TAFA2: variants seen among roughly 807,000 people sequenced by gnomAD.
TAFA2 encodes chemokine-like protein TAFA-2.
A neutral mutation model predicts 18.8 loss-of-function variants in TAFA2; 7 were observed. The ratio of observed to expected loss-of-function variants is 0.37; its 90% CI spans 0.21 to 0.70. The LOEUF (loss-of-function observed/expected upper bound fraction) is 0.70. Ranked by LOEUF, TAFA2 falls within the 30% of genes least tolerant of loss-of-function variation. The probability of loss-of-function intolerance (pLI) is 0.53; values close to 1 mark genes in which losing one functional copy is unlikely to be tolerated. For missense variants in TAFA2, 122 were observed against 158.1 expected (o/e 0.77, Z 1.23); for synonymous variants, 60 against 54.2 (o/e 1.11, Z -0.47).
At chr12:62,231,864 T>C (rs1456200668) in intron 1 of TAFA2, among the ~76,000 whole-genome samples, 1 of 152,184 alleles carries the variant, frequency 6.6e-6, no homozygotes, top group East Asian at 1.9e-4. Context: ...AATGTATTAG[T>C]ACATTATTTT....
chr12:62,183,644 CA>C (rs1027429432), intron 1 of TAFA2, among the ~76,000 whole-genome samples: 1 of 152,148 alleles, frequency 6.6e-6, no homozygotes, highest in Admixed American at 6.5e-5. Flanking sequence ...TTCGGCCTCC[CA>C]AAGTGTTGGG....
chr12:61,965,988 C>T (rs948914618), intron 1 of TAFA2, among the ~76,000 whole-genome samples: 1 of 151,848 alleles, frequency 6.6e-6, no homozygotes, highest in African/African-American at 2.4e-5. Context: ...TGAGTTGTTT[C>T]CACCTTTGGG....
At chr12:61,859,044 G>A (rs984640400) in intron 2 of TAFA2, among the ~76,000 whole-genome samples, 4 of 152,150 alleles carry the variant, frequency 2.6e-5, no homozygotes, top group African/African-American at 9.7e-5. Context: ...AGATATATTA[G>A]TCCATTTTCA....
At chr12:61,922,850 G>A (rs1877114617) in intron 1 of TAFA2, among the ~76,000 whole-genome samples, 2 of 152,182 alleles carry the variant, frequency 1.3e-5, no homozygotes, top group African/African-American at 4.8e-5. Flanking sequence ...CCACTGGCTT[G>A]AAATTCTCGC....
chr12:61,967,904 G>T (rs138416711), intron 1 of TAFA2, among the ~76,000 whole-genome samples: 1 of 151,942 alleles, frequency 6.6e-6, no homozygotes, highest in African/African-American at 2.4e-5. Flanking sequence ...AAGCAAGGAA[G>T]CACATAAGCA....
chr12:61,885,091 CAGTG>C (rs1875315362), intron 1 of TAFA2, among the ~76,000 whole-genome samples: 1 of 152,108 alleles, frequency 6.6e-6, no homozygotes, highest in Non-Finnish European at 1.5e-5. Context: ...TAATTCAATA[CAGTG>C]AGTAAGATGT....
At chr12:61,713,337 T>C (rs1869501448) in intron 4 of TAFA2, among the ~76,000 whole-genome samples, 1 of 152,182 alleles carries the variant, frequency 6.6e-6, no homozygotes, top group Admixed American at 6.5e-5. Context: ...TTCCACAACG[T>C]GTCTGTGCTG....
At chr12:61,953,764 G>A (rs367934364) in intron 1 of TAFA2, among the ~76,000 whole-genome samples, 333 of 152,246 alleles carry the variant, frequency 2.2e-3, no homozygotes, top group African/African-American at 7.6e-3. Context: ...CATGGTTGGA[G>A]AAACCCAGCA....
intron 1 of TAFA2, among the ~76,000 whole-genome samples, chr12:62,121,609 T>C (rs2136880097): frequency 6.6e-6 from 1 of 152,354 alleles, no homozygotes. Context: ...TCTCTCAAGA[T>C]ATTCTGTAGT....
chr12:62,174,930 T>C (rs1310335847), intron 1 of TAFA2, among the ~76,000 whole-genome samples: 1 of 152,218 alleles, frequency 6.6e-6, no homozygotes, highest in African/African-American at 2.4e-5. Flanking sequence ...ATATTCTTGA[T>C]TATAAACTCC....
chr12:62,211,084 A>ATCCTGTC (rs1192449417), intron 1 of TAFA2, among the ~76,000 whole-genome samples: 3 of 152,226 alleles, frequency 2.0e-5, no homozygotes, highest in African/African-American at 7.2e-5. Context: ...TAGTGTTAGA[A>ATCCTGTC]CACTGTCATC....
At chr12:62,226,492 C>T (rs1420546762) in intron 1 of TAFA2, among the ~76,000 whole-genome samples, 1 of 152,164 alleles carries the variant, frequency 6.6e-6, no homozygotes, top group African/African-American at 2.4e-5. Context: ...CCACCGCACC[C>T]GGCCTTGATT....
intron 1 of TAFA2, among the ~76,000 whole-genome samples, chr12:62,255,613 G>C (rs1047006347): frequency 1.3e-5 from 2 of 152,054 alleles, no homozygotes; most frequent in Non-Finnish European, 2.9e-5. Flanking sequence ...AGCACTTTGG[G>C]AGGCTGAGGC....
intron 4 of TAFA2, among the ~76,000 whole-genome samples, chr12:61,724,989 G>T (rs914230816): frequency 1.3e-5 from 2 of 151,554 alleles, no homozygotes; most frequent in African/African-American, 2.4e-5. Flanking sequence ...ATTATTTTTT[G>T]ATCTTTTAAA....
At chr12:61,710,936 T>G (rs1869374341) in intron 4 of TAFA2, among the ~76,000 whole-genome samples, 1 of 151,808 alleles carries the variant, frequency 6.6e-6, no homozygotes, top group Non-Finnish European at 1.5e-5. Flanking sequence ...AAATTATATT[T>G]GAAAAATTAT....
intron 1 of TAFA2, among the ~76,000 whole-genome samples, chr12:62,094,178 G>A (rs1373777426): frequency 6.6e-6 from 1 of 152,052 alleles, no homozygotes; most frequent in African/African-American, 2.4e-5. Flanking sequence ...CTGTATAATT[G>A]ACTAAGGTAG....
At chr12:61,895,633 T>C (rs985659358) in intron 1 of TAFA2, among the ~76,000 whole-genome samples, 2 of 152,182 alleles carry the variant, frequency 1.3e-5, no homozygotes, top group Non-Finnish European at 2.9e-5. Flanking sequence ...ACCTTAACAG[T>C]TCAGATGTTT....
intron 1 of TAFA2, among the ~76,000 whole-genome samples, chr12:62,033,335 T>C (rs533983669): frequency 6.6e-6 from 1 of 152,118 alleles, no homozygotes; most frequent in African/African-American, 2.4e-5. Context: ...TATTAGGAAA[T>C]AGATAATGAC....
intron 1 of TAFA2, among the ~76,000 whole-genome samples, chr12:62,090,311 T>C (rs1467769350): frequency 6.6e-6 from 1 of 152,104 alleles, no homozygotes; most frequent in African/African-American, 2.4e-5. Flanking sequence ...AATTTGACTC[T>C]GAACAAAATG....
Sources: allele counts gnomAD v4.1 joint callset (sites outside exome capture counted in the v4.1 genomes callset), GRCh38; gene constraint gnomAD v4.1.1; transcripts MANE v1.5; gene names NCBI Gene and HGNC (gene_info 2026-07-23, HGNC 2026-07-21).